The following MROH2A variants were observed in gnomAD, a reference collection of about 807,000 sequenced individuals.
MROH2A encodes maestro heat-like repeat-containing protein family member 2A.
In MROH2A, 174 loss-of-function variants were observed where a neutral mutation model predicts 200.4. That is an observed-to-expected ratio of 0.87 (90% CI 0.77 to 0.98). The LOEUF (loss-of-function observed/expected upper bound fraction) is 0.98, where lower values mean the gene tolerates loss of function less well. Ranked by LOEUF, MROH2A falls within the 50% of genes least tolerant of loss-of-function variation. The probability of loss-of-function intolerance (pLI) is 0.00; values close to 1 mark genes in which losing one functional copy is unlikely to be tolerated. For synonymous variants in MROH2A, 829 were observed against 840.4 expected (o/e 0.99, Z 0.23); for missense variants, 2,045 against 2,139.6 (o/e 0.96, Z 0.87).
At chr2:233,785,329 G>A (rs1257492585) in intron 3 of MROH2A, among the ~76,000 whole-genome samples, 3 of 151,986 alleles carry the variant, frequency 2.0e-5, no homozygotes, top group Non-Finnish European at 4.4e-5. Flanking sequence ...TGGGTATGGT[G>A]GCACCTGTCT....
Position 233,831,394 on chromosome 2 carries a change from C to G in MROH2A, c.4603-15C>G, listed in dbSNP as rs750634006. ...GCCTGGCTGATGGCTCTGCTGCCGT[C>G]CTGTGTCCCTGCAGGCCTGTATGGC... On this transcript the variant is annotated splice_polypyrimidine_tract_variant and intron_variant, in intron 38 of 41. Transcript: ENST00000389758. The G allele has an allele frequency of 3.8e-5, 58 of 1,543,834 alleles. 1 individual carries two copies. In the South Asian group the frequency reaches 6.6e-4, roughly 18 times the overall value.
rs1445067093 is a variant in MROH2A, at chr2:233,792,874, T to TA, written c.651dup (p.Arg218ThrfsTer13). 2.6e-6 allele frequency: 4 copies of TA among 1,550,562 alleles called. No homozygotes were observed. The highest frequency in any genetic ancestry group is 2.7e-5 in the African/African-American group (2 of 73,176). On this transcript the variant is annotated frameshift_variant, in exon 6 of 42. Coordinates refer to ENST00000389758, the MANE Select transcript of MROH2A (RefSeq NM_001394639.1). LOFTEE classifies it high-confidence loss of function. ...CTGAGACTTGCCAATGAAGCCAAGA[T>TA]ACGCCAGGCGATCTGCAGTGGTGAG...
chr2:233,788,691 A>C (rs867275517), intron 3 of MROH2A, among the ~76,000 whole-genome samples: 1 of 151,448 alleles, frequency 6.6e-6, no homozygotes, highest in Non-Finnish European at 1.5e-5. Flanking sequence ...TAATCCCAGC[A>C]CTTTGGGAGG....
Position 233,833,250 on chromosome 2 carries a change from A to T in MROH2A, c.5016A>T (p.Gly1672=), listed in dbSNP as rs1231650483. Reference sequence around the variant, plus strand: ...ATGGGTTTCTGGCTTCACCCCAAGGAATGTCCTAGGTGGTCCAAACATAAG... The same window carrying T: ...ATGGGTTTCTGGCTTCACCCCAAGGTATGTCCTAGGTGGTCCAAACATAAG... The part of the protein sequence containing the change: ...SQHGFLASPQ[G]MS Residue 1672 remains glycine, a synonymous_variant, in exon 42 of 42, where the codon GGA becomes GGT. Transcript: ENST00000389758. 1 of 1,548,982 alleles carries T rather than the reference A, an allele frequency of 6.5e-7. No homozygotes were observed. Among genetic ancestry groups the T allele is most frequent in the South Asian group, 1.2e-5 (1 of 83,778 alleles).
intron 11 of MROH2A, among the ~76,000 whole-genome samples, chr2:233,797,729 C>T (rs1033860299): frequency 4.6e-5 from 7 of 152,260 alleles, no homozygotes; most frequent in Non-Finnish European, 8.8e-5. Flanking sequence ...TGCTCTCCCT[C>T]CCCTTTCCCC....
chr2:233,811,891 G>A lies in MROH2A; in HGVS notation c.2583G>A (p.Lys861=). The A allele has an allele frequency of 6.5e-7, 1 of 1,550,284 alleles. No individual in the cohort carries two copies. Among genetic ancestry groups the A allele is most frequent in the Non-Finnish European group, 8.7e-7 (1 of 1,146,836 alleles). Residue 861 remains lysine (K), a synonymous_variant, in exon 24 of 42, where the codon AAG becomes AAA. Coordinates refer to ENST00000389758, the MANE Select transcript of MROH2A (RefSeq NM_001394639.1). ...CTTGTGTTGGACAGGCGGTCATCAA[G>A]GCAGAACCGACTGACAACCTGGTTT... ...TLTSIIVAVI[K]AEPTDNLVSP...
At position 233,810,839 on chromosome 2, in the gene MROH2A, A is replaced by G; in HGVS notation, c.2494A>G (p.Thr832Ala). Reference protein sequence around the residue: ...MAFMKSVVQVTKAINNIKDLE... With the variant: ...MAFMKSVVQVAKAINNIKDLE... ...CTTCATGAAGAGTGTTGTGCAGGTT[A>G]CCAAGGCCATCAACAACATCAAGGA... Residue 832 changes from threonine (T) to alanine (A), a missense_variant, in exon 23 of 42, where the codon ACC becomes GCC. Thr to Ala is a moderately conservative substitution (Grantham distance 58). Coordinates refer to ENST00000389758, the MANE Select transcript of MROH2A (RefSeq NM_001394639.1). 6.4e-7 allele frequency: 1 copy of G among 1,550,508 alleles called. No individual in the cohort carries two copies. Among genetic ancestry groups the G allele is most frequent in the South Asian group, 1.2e-5 (1 of 84,054 alleles).
At chr2:233,780,807 C>T (rs1414990713) in intron 3 of MROH2A, among the ~76,000 whole-genome samples, 8 of 152,154 alleles carry the variant, frequency 5.3e-5, no homozygotes, top group Non-Finnish European at 1.2e-4. Context: ...TCACAACCTA[C>T]AGTGCTATAG....
At position 233,829,644 on chromosome 2, in the gene MROH2A, G is replaced by C. The variant is rs911518123; in HGVS notation, c.4471G>C (p.Ala1491Pro). ...GGAGAGCGAGCTGCTGCGTCTGAAA[G>C]CCTTCATCCTCTTTGGAAAGCTGGC... is the stretch of plus-strand genomic sequence containing the variant. ...DNESELLRLK[A>P]FILFGKLARV... Residue 1491 changes from alanine to proline, a missense_variant, in exon 38 of 42, where the codon GCC becomes CCC. This residue lies in a region of MROH2A where 1,201 missense variants were observed against 1,311.3 expected (regional missense o/e 0.92). Transcript: ENST00000389758. 12 of 1,461,158 alleles carry C rather than the reference G, an allele frequency of 8.2e-6. No individual in the cohort carries two copies. The highest frequency in any genetic ancestry group is 2.6e-5 in the Admixed American group (1 of 37,858). The allele number at this position is 1,461,158 out of a possible 1,614,324, so 90.5% of individuals were successfully genotyped here. A position where few individuals can be genotyped will look rare whatever the true frequency, so the allele number is the denominator to read the frequency against.
In MROH2A at chr2:233,794,339, C is replaced by T. The variant is rs182858182; in HGVS notation, c.823-24C>T. On this transcript the variant is annotated intron_variant, in intron 7 of 41. Coordinates refer to ENST00000389758, the MANE Select transcript of MROH2A (RefSeq NM_001394639.1). Reference sequence around the variant, plus strand: ...GCTGGAGGGTGGTGAGACAATGCGTCCCAGAGCTGGTTTCTGGTGGCAGGT... The same window carrying T: ...GCTGGAGGGTGGTGAGACAATGCGTTCCAGAGCTGGTTTCTGGTGGCAGGT... 570 of 1,526,144 alleles carry T rather than the reference C, an allele frequency of 3.7e-4. 5 individuals are homozygous for T. The African/African-American group carries it at 7.3e-3, about 20-fold the overall frequency. 94.5% of individuals were successfully genotyped at this position (1,526,144 alleles called of 1,614,324 possible). A position where few individuals can be genotyped will look rare whatever the true frequency, so the allele number is the denominator to read the frequency against.
intron 13 of MROH2A, 63 bp from the exon 14 acceptor site, chr2:233,800,142 A>G (rs572706475): frequency 1.6e-6 from 2 of 1,269,302 alleles, no homozygotes; most frequent in South Asian, 2.9e-5. Context: ...AGGAGACCAC[A>G]CCTGAGACCA....
intron 33 of MROH2A, 98 bp from the exon 34 acceptor site, chr2:233,822,783 C>T (rs576450704): frequency 1.7e-5 from 25 of 1,442,524 alleles, no homozygotes; most frequent in Middle Eastern, 3.5e-4. Context: ...GGGCTGGGCC[C>T]GGCAGGCACT....
At chr2:233,789,829 T>G (rs1701608975) in intron 4 of MROH2A, 23 bp from the exon 5 acceptor site, 1 of 1,538,938 alleles carries the variant, frequency 6.5e-7, no homozygotes. Flanking sequence ...TGGTGCCATA[T>G]GTCCCTCTTC....
At chr2:233,787,246 C>T (rs1157079719) in intron 3 of MROH2A, among the ~76,000 whole-genome samples, 1 of 151,682 alleles carries the variant, frequency 6.6e-6, no homozygotes, top group Non-Finnish European at 1.5e-5. Context: ...GTACAGGGTG[C>T]AGTAAGAGTG....
At chr2:233,829,144 T>C in intron 37 of MROH2A, 72 bp downstream of exon 37, 3 of 1,387,782 alleles carry the variant, frequency 2.2e-6, no homozygotes, top group South Asian at 3.0e-5. Context: ...AAGGAAGAGA[T>C]GGGCTCTAGA....
At chr2:233,790,336 C>G (rs1332506898) in intron 5 of MROH2A, among the ~76,000 whole-genome samples, 1 of 148,646 alleles carries the variant, frequency 6.7e-6, no homozygotes, top group Non-Finnish European at 1.5e-5. Context: ...TATTGCCTGC[C>G]TTACTTACTC....
rs565111860 is a variant in MROH2A at position 233,814,575 on chromosome 2, G to A, written c.2761-7G>A. The A allele has an allele frequency of 5.2e-6, 8 of 1,549,266 alleles. No homozygotes were observed. The East Asian group carries it at 2.0e-4, about 38-fold the overall frequency. On this transcript the variant is annotated splice_region_variant and splice_polypyrimidine_tract_variant and intron_variant, in intron 25 of 41. Transcript: ENST00000389758. ...GCCGCCTATCTCTCTCTCCCTCTTG[G>A]CTGTAGACCCTGTATGCAAATGCCC...
intron 7 of MROH2A, 82 bp downstream of exon 7, chr2:233,793,906 A>G (rs1701945527): frequency 7.8e-7 from 1 of 1,288,346 alleles, no homozygotes; most frequent in East Asian, 3.0e-5. Flanking sequence ...GTGCTGAGGG[A>G]CCGTCGGGTC....
At chr2:233,829,118 G>A (rs1319218220) in intron 37 of MROH2A, 46 bp downstream of exon 37, 2 of 1,453,204 alleles carry the variant, frequency 1.4e-6, no homozygotes, top group Non-Finnish European at 9.1e-7. Flanking sequence ...TGAAGGAGGG[G>A]CACTTCTCAG....
Sources: gnomAD v4.1 joint callset for allele counts (sites outside exome capture counted in the v4.1 genomes callset) on GRCh38, gnomAD v4.1.1 for gene constraint, gnomAD v4.1.1 regional missense constraint, MANE v1.5 for transcripts, NCBI Gene and HGNC (gene_info 2026-07-23, HGNC 2026-07-21) for gene names.